The following SMYD3 variants were observed in gnomAD, a reference collection of about 807,000 sequenced individuals.
SMYD3 encodes histone-lysine N-methyltransferase SMYD3.
A neutral mutation model predicts 57.7 loss-of-function variants in SMYD3; 36 were observed. That is an observed-to-expected ratio of 0.62 (90% CI 0.48 to 0.82). The LOEUF is 0.82. SMYD3 is among the 40% of genes least tolerant of loss of function. The pLI is 0.00. For missense variants in SMYD3, 515 were observed against 538.8 expected (o/e 0.96, Z 0.44); for synonymous variants, 211 against 195.0 (o/e 1.08, Z -0.68).
chr1:246,008,578 G>A (rs2059219850), intron 5 of SMYD3, among the ~76,000 whole-genome samples: 1 of 152,176 alleles, frequency 6.6e-6, no homozygotes, highest in South Asian at 2.1e-4. Context: ...ATAAATACTA[G>A]AGGCTCTGGC....
At chr1:246,015,585 C>T (rs2059363064) in intron 5 of SMYD3, among the ~76,000 whole-genome samples, 1 of 152,156 alleles carries the variant, frequency 6.6e-6, no homozygotes, top group Admixed American at 6.5e-5. Flanking sequence ...TGCCCATTAA[C>T]AATAACGCTC....
intron 1 of SMYD3, among the ~76,000 whole-genome samples, chr1:246,356,615 A>C (rs569239908): frequency 1.3e-5 from 2 of 152,342 alleles, no homozygotes; most frequent in South Asian, 4.1e-4. Context: ...AACTTCTAGA[A>C]ATCAAAGAAA....
At chr1:245,924,659 T>G (rs2056237403) in intron 7 of SMYD3, among the ~76,000 whole-genome samples, 1 of 10,600 alleles carries the variant, frequency 9.4e-5, no homozygotes, top group South Asian at 1.8e-3. Flanking sequence ...TTCCAGCTTT[T>G]TTTTTTTTTT....
intron 5 of SMYD3, among the ~76,000 whole-genome samples, chr1:246,223,562 T>C (rs1217221821): frequency 6.6e-6 from 1 of 152,140 alleles, no homozygotes; most frequent in Non-Finnish European, 1.5e-5. Context: ...CTTATGTATA[T>C]ACTGAAAATG....
chr1:246,167,330 T>G (rs116617300), intron 5 of SMYD3, among the ~76,000 whole-genome samples: 438 of 152,288 alleles, frequency 2.9e-3, no homozygotes, highest in African/African-American at 0.01. Flanking sequence ...TACATCAACT[T>G]TTTAAGGAAG....
chr1:245,895,566 G>A (rs2053717188), intron 8 of SMYD3, among the ~76,000 whole-genome samples: 1 of 152,216 alleles, frequency 6.6e-6, no homozygotes, highest in Non-Finnish European at 1.5e-5. Context: ...AATAGACTCA[G>A]TACCATAAAA....
chr1:245,829,103 G>C (rs2049686842), intron 10 of SMYD3, among the ~76,000 whole-genome samples: 1 of 123,130 alleles, frequency 8.1e-6, no homozygotes, highest in African/African-American at 3.1e-5. Flanking sequence ...CTGCCCTCCA[G>C]AAGGAAGACA....
At chr1:246,089,403 T>C (rs1481469071) in intron 5 of SMYD3, among the ~76,000 whole-genome samples, 1 of 152,208 alleles carries the variant, frequency 6.6e-6, no homozygotes, top group Non-Finnish European at 1.5e-5. Flanking sequence ...CACTTCATGT[T>C]ATTATATTTC....
chr1:246,008,104 C>A (rs1295425580), intron 5 of SMYD3, among the ~76,000 whole-genome samples: 1 of 152,198 alleles, frequency 6.6e-6, no homozygotes, highest in African/African-American at 2.4e-5. Context: ...AATGGTATCA[C>A]AAGCGATGTG....
rs190546586 is a variant in SMYD3, at chr1:246,087,834, C to T, written c.532-157897G>A. ...ATGAAGACTTACGCGGACTGAAACC[C>T]GTCCTCAGTACTCCAACTGTTAACC... On this transcript the variant is annotated intron_variant, in intron 5 of 11. Coordinates refer to ENST00000490107, the MANE Select transcript of SMYD3 (RefSeq NM_001167740.2). Among the ~76,000 whole-genome samples, 12 of 152,244 alleles carry T rather than the reference C, an allele frequency of 7.9e-5. No homozygotes were observed. In the East Asian group the frequency reaches 9.7e-4, roughly 12 times the overall value.
At chr1:246,062,427 C>G (rs1290309156) in intron 5 of SMYD3, among the ~76,000 whole-genome samples, 1 of 152,156 alleles carries the variant, frequency 6.6e-6, no homozygotes, top group Admixed American at 6.5e-5. Flanking sequence ...TGAAAACACT[C>G]TGAATCTTGG....
rs1411504114 is a variant in SMYD3, at chr1:246,233,380, G to A, written c.531+93821C>T. 1.7e-5 allele frequency among the ~76,000 whole-genome samples: 2 copies of A among 115,028 alleles called. 1 individual carries two copies. Among genetic ancestry groups the A allele is most frequent in the East Asian group, 9.0e-4 (2 of 2,220 alleles). 75.5% of individuals were successfully genotyped at this position (115,028 alleles called of 152,430 possible). On this transcript the variant is annotated intron_variant, in intron 5 of 11. Transcript: ENST00000490107. ...CACTGTGATGAACATATACCACACA[G>A]AGGAGAAGCACTCCCCAATTCACAC...
At chr1:245,773,855 C>T (rs565194056) in intron 10 of SMYD3, among the ~76,000 whole-genome samples, 7 of 152,258 alleles carry the variant, frequency 4.6e-5, no homozygotes, top group African/African-American at 1.7e-4. Context: ...TCTGAATGTA[C>T]ACACTCAAGC....
At chr1:246,371,165 G>A (rs577604148) in intron 1 of SMYD3, among the ~76,000 whole-genome samples, 11 of 152,098 alleles carry the variant, frequency 7.2e-5, no homozygotes, top group South Asian at 2.1e-4. Context: ...ATAACAACAC[G>A]GTTCTAAACT....
chr1:246,405,079 G>A lies in SMYD3; in HGVS notation c.165-49985C>T, dbSNP rs1256018927. Among the ~76,000 whole-genome samples the A allele has an allele frequency of 3.9e-5, 6 of 152,134 alleles. No homozygotes were observed. The East Asian group carries it at 1.2e-3, about 29-fold the overall frequency. On this transcript the variant is annotated intron_variant, in intron 1 of 11. Transcript: ENST00000490107. ...TCATCCTCCCACCTCAGCCTCCCAAGTAGCTGGGACTACAGGTGTGCACGA... is the reference window on the plus strand; with the variant it reads ...TCATCCTCCCACCTCAGCCTCCCAAATAGCTGGGACTACAGGTGTGCACGA...
intron 8 of SMYD3, among the ~76,000 whole-genome samples, chr1:245,872,850 T>C (rs2052284925): frequency 6.6e-6 from 1 of 152,224 alleles, no homozygotes; most frequent in Admixed American, 6.5e-5. Flanking sequence ...TCATAGCTTC[T>C]GGGAAACGGA....
At chr1:246,303,791 C>G (rs1040350630) in intron 5 of SMYD3, among the ~76,000 whole-genome samples, 7 of 152,262 alleles carry the variant, frequency 4.6e-5, no homozygotes, top group South Asian at 2.1e-4. Flanking sequence ...TTTAAAATAG[C>G]ATTCTAATTA....
chr1:245,814,253 G>A (rs10802269), intron 10 of SMYD3: 372,808 of 495,498 alleles, frequency 0.75, 148,313 homozygotes, highest in Non-Finnish European at 0.83. Context: ...TGTTTTGAAG[G>A]TAAACAATTT....
At chr1:246,023,807 C>CTCTGTG in intron 5 of SMYD3, among the ~76,000 whole-genome samples, 1 of 139,512 alleles carries the variant, frequency 7.2e-6, no homozygotes, top group East Asian at 2.2e-4. Context: ...TATTACAAAA[C>CTCTGTG]TGTGTGTGTG....
Sources: allele counts gnomAD v4.1 joint callset (sites outside exome capture counted in the v4.1 genomes callset), GRCh38; gene constraint gnomAD v4.1.1; transcripts MANE v1.5; gene names NCBI Gene and HGNC (gene_info 2026-07-23, HGNC 2026-07-21).